Variants in ZNF469 observed in about 807,000 individuals in gnomAD.
ZNF469 encodes the protein zinc finger protein 469.
Under a neutral mutation model 1.0 loss-of-function variants are expected in ZNF469, and 1 was observed. That is an observed-to-expected ratio of 1.00 (90% CI 0.35 to 4.73). The LOEUF (loss-of-function observed/expected upper bound fraction) is 4.73. Ranked by LOEUF, ZNF469 falls within the 30% of genes most tolerant of loss-of-function variation. The probability of loss-of-function intolerance (pLI) is 0.16; values close to 1 mark genes in which losing one functional copy is unlikely to be tolerated. For synonymous variants in ZNF469, 2,703 were observed against 2,363.4 expected (o/e 1.14, Z -4.17); for missense variants, 6,100 against 5,356.3 (o/e 1.14, Z -4.33).
chr16:88,277,321 CGGTT>C, the ZNF469 span, among the ~76,000 whole-genome samples: 1 of 133,938 alleles, frequency 7.5e-6, no homozygotes, highest in Non-Finnish European at 1.6e-5. Context: ...TATCAGTGCA[CGGTT>C]AGTGCTGCAC....
At chr16:88,381,191 CACAT>C, upstream of ZNF469, among the ~76,000 whole-genome samples, 1 of 127,990 alleles carries the variant, frequency 7.8e-6, no homozygotes, top group South Asian at 2.8e-4. Flanking sequence ...TGCACTCACA[CACAT>C]GCATTCACAG....
At chr16:88,122,180 C>T in the ZNF469 span, among the ~76,000 whole-genome samples, 45 of 147,034 alleles carry the variant, frequency 3.1e-4, 1 homozygote, top group African/African-American at 9.3e-4. Context: ...GGCAACCACT[C>T]GGATTGCATC....
chr16:88,155,438 G>T, the ZNF469 span, among the ~76,000 whole-genome samples: 2 of 152,200 alleles, frequency 1.3e-5, no homozygotes, highest in Non-Finnish European at 2.9e-5. Flanking sequence ...TGCCCCAAAA[G>T]GAAACTGTCC....
the ZNF469 span, among the ~76,000 whole-genome samples, chr16:88,184,524 GCAGTTTTGC>G: frequency 1.3e-5 from 2 of 151,846 alleles, no homozygotes; most frequent in African/African-American, 4.8e-5. Context: ...CTACTGAGAG[GCAGTTTTGC>G]CAGCCTGTGC....
the ZNF469 span, among the ~76,000 whole-genome samples, chr16:88,119,397 G>A: frequency 2.6e-5 from 4 of 152,198 alleles, no homozygotes; most frequent in East Asian, 1.9e-4. Flanking sequence ...CATCTGTGCC[G>A]GGTGTTTGTC....
the ZNF469 span, among the ~76,000 whole-genome samples, chr16:88,153,377 C>T: frequency 6.6e-6 from 1 of 152,200 alleles, no homozygotes; most frequent in Admixed American, 6.5e-5. Context: ...GAAGAGTCTC[C>T]GTTGTCTCTT....
At chr16:88,180,353 G>C in the ZNF469 span, among the ~76,000 whole-genome samples, 1 of 152,100 alleles carries the variant, frequency 6.6e-6, no homozygotes, top group East Asian at 1.9e-4. Flanking sequence ...TGAAGGTAAG[G>C]GACAGAAATA....
rs980575920 is a variant in ZNF469, at chr16:88,440,648, C to T, written c.*1316C>T. ...GGAAGGTGTTGTAGGCCATTCAAAA[C>T]GCCTCCGGAGTGTCGCAAACCAAGT... On this transcript the variant is annotated 3_prime_UTR_variant, in exon 3 of 3. Coordinates refer to ENST00000565624, the MANE Select transcript of ZNF469 (RefSeq NM_001367624.2). 2.6e-5 allele frequency: 4 copies of T among 152,176 alleles called. No homozygotes were observed. Among genetic ancestry groups the T allele is most frequent in the South Asian group, 2.1e-4 (1 of 4,832 alleles). The allele number at this position is 152,176 out of a possible 1,614,324, so 9.4% of individuals were successfully genotyped here.
chr16:88,247,168 G>A, the ZNF469 span, among the ~76,000 whole-genome samples: 1 of 151,758 alleles, frequency 6.6e-6, no homozygotes, highest in African/African-American at 2.4e-5. Flanking sequence ...AATCGTGAAT[G>A]ACTGAGTGAA....
At chr16:88,352,069 AC>A in the ZNF469 span, among the ~76,000 whole-genome samples, 1 of 152,064 alleles carries the variant, frequency 6.6e-6, no homozygotes, top group Non-Finnish European at 1.5e-5. Context: ...TCTAGGGAAC[AC>A]CCGGAACAGG....
the ZNF469 span, among the ~76,000 whole-genome samples, chr16:88,253,179 T>C: frequency 1.3e-5 from 2 of 152,222 alleles, no homozygotes; most frequent in African/African-American, 4.8e-5. Context: ...GTCAGCATTC[T>C]TATCCATGCC....
chr16:88,354,167 T>G, the ZNF469 span, among the ~76,000 whole-genome samples: 2 of 152,168 alleles, frequency 1.3e-5, no homozygotes, highest in African/African-American at 4.8e-5. Context: ...ACAGCCTCCT[T>G]GCAACCCAAG....
chr16:88,433,952 G>A lies in ZNF469; in HGVS notation c.6482G>A (p.Gly2161Asp). The change falls in exon 3 of 3, where the codon GGC (glycine) becomes GAC (aspartate). Residue 2161 changes from glycine to aspartate, a missense_variant. By Grantham distance (94) the Gly-to-Asp change is moderately conservative. Coordinates refer to ENST00000565624, the MANE Select transcript of ZNF469 (RefSeq NM_001367624.2). ...TCTCCGTCCTGCAGGGACCCTCCCGGCCCCCAGCAGCTGCTGGCCTGTTCT... is the reference window on the plus strand; with the variant it reads ...TCTCCGTCCTGCAGGGACCCTCCCGACCCCCAGCAGCTGCTGGCCTGTTCT... ...PASPSCRDPP[G>D]PQQLLACSPA... The A allele has an allele frequency of 6.5e-7, 1 of 1,550,190 alleles. No homozygotes were observed. Among genetic ancestry groups the A allele is most frequent in the East Asian group, 2.4e-5 (1 of 40,916 alleles).
chr16:88,105,524 T>C, the ZNF469 span, among the ~76,000 whole-genome samples: 3 of 152,110 alleles, frequency 2.0e-5, no homozygotes, highest in Non-Finnish European at 4.4e-5. Context: ...AGGCTGGTCT[T>C]GAACTCCTGA....
chr16:88,438,037 T>A lies in ZNF469; in HGVS notation c.10567T>A (p.Trp3523Arg). 6.5e-7 allele frequency: 1 copy of A among 1,550,166 alleles called. No individual in the cohort carries two copies. Among genetic ancestry groups the A allele is most frequent in the African/African-American group, 1.4e-5 (1 of 73,142 alleles). ...SEVAPSTTKG[W>R]PETLERPVDP... Reference sequence around the variant, plus strand: ...GGTGGCTCCCAGCACCACCAAGGGATGGCCCGAGACCCTAGAGAGGCCTGT... The same window carrying A: ...GGTGGCTCCCAGCACCACCAAGGGAAGGCCCGAGACCCTAGAGAGGCCTGT... Residue 3523 changes from tryptophan to arginine, a missense_variant, in exon 3 of 3, where the codon TGG becomes AGG. By Grantham distance (101) the Trp-to-Arg change is moderately radical. Transcript: ENST00000565624.
chr16:88,138,011 C>T, the ZNF469 span, among the ~76,000 whole-genome samples: 1 of 152,116 alleles, frequency 6.6e-6, no homozygotes, highest in Non-Finnish European at 1.5e-5. Context: ...GGCCTTCACC[C>T]CATCACGGAG....
At chr16:88,376,360 GC>G in the ZNF469 span, among the ~76,000 whole-genome samples, 1 of 152,256 alleles carries the variant, frequency 6.6e-6, no homozygotes, top group Non-Finnish European at 1.5e-5. Flanking sequence ...ACACAGCCGG[GC>G]CCGGTGTGAG....
At chr16:88,409,264 A>C (rs1905084318) in intron 1 of ZNF469, among the ~76,000 whole-genome samples, 1 of 152,252 alleles carries the variant, frequency 6.6e-6, no homozygotes, top group East Asian at 1.9e-4. Flanking sequence ...GATGATGACG[A>C]GGTCTCTTGG....
the ZNF469 span, among the ~76,000 whole-genome samples, chr16:88,118,440 C>G: frequency 6.6e-6 from 1 of 152,190 alleles, no homozygotes; most frequent in African/African-American, 2.4e-5. Context: ...CTCAGCTGCT[C>G]GACCTGGTCC....
Sources: gnomAD v4.1 joint callset for allele counts (sites outside exome capture counted in the v4.1 genomes callset) on GRCh38, gnomAD v4.1.1 for gene constraint, MANE v1.5 for transcripts, NCBI Gene and HGNC (gene_info 2026-07-23, HGNC 2026-07-21) for gene names.